Variants in ADAMTS19 observed in about 807,000 individuals in gnomAD.
ADAMTS19 encodes A disintegrin and metalloproteinase with thrombospondin motifs 19.
A neutral mutation model predicts 153.3 loss-of-function variants in ADAMTS19; 93 were observed. That is an observed-to-expected ratio of 0.61 (90% confidence interval 0.51 to 0.72). The LOEUF is 0.72. Ranked by LOEUF, ADAMTS19 falls within the 30% of genes least tolerant of loss-of-function variation. The probability of loss-of-function intolerance (pLI) is 0.00; values close to 1 mark genes in which losing one functional copy is unlikely to be tolerated. For synonymous variants in ADAMTS19, 600 were observed against 556.6 expected (o/e 1.08, Z -1.10); for missense variants, 1,482 against 1,552.1 (o/e 0.95, Z 0.76).
At chr5:129,612,671 C>T (rs1751290158) in intron 8 of ADAMTS19, among the ~76,000 whole-genome samples, 3 of 152,092 alleles carry the variant, frequency 2.0e-5, no homozygotes. Flanking sequence ...ATGACAGGAT[C>T]AAATTCACAC....
chr5:129,551,725 C>T, intron 6 of ADAMTS19, 139 bp from the exon 7 acceptor site: 1 of 554,200 alleles, frequency 1.8e-6, no homozygotes, highest in South Asian at 2.5e-5. Context: ...AAAAATTAAT[C>T]TTATTCACAG....
intron 16 of ADAMTS19, among the ~76,000 whole-genome samples, chr5:129,668,142 C>G (rs1022232738): frequency 6.6e-6 from 1 of 152,134 alleles, no homozygotes; most frequent in Non-Finnish European, 1.5e-5. Context: ...CGCTTGTGAC[C>G]TTGTCACTCC....
intron 7 of ADAMTS19, among the ~76,000 whole-genome samples, chr5:129,578,081 TATATACATATACATAC>T (rs55739919): frequency 0.5 from 51,367 of 103,164 alleles, 15,258 homozygotes; most frequent in Non-Finnish European, 0.64. Context: ...CACACACACA[TATATACATATACATAC>T]ATATACATAT....
intron 10 of ADAMTS19, among the ~76,000 whole-genome samples, chr5:129,624,096 C>T (rs62399039): frequency 0.067 from 8,592 of 128,290 alleles, 380 homozygotes; most frequent in Non-Finnish European, 0.09. Context: ...CACTGCACTC[C>T]GGCCTGGACT....
chr5:129,658,359 A>G (rs398051044), intron 14 of ADAMTS19, among the ~76,000 whole-genome samples: 1,909 of 132,198 alleles, frequency 0.014, 161 homozygotes, highest in African/African-American at 0.058. Context: ...GAAAGAAAGA[A>G]AGAAAGAAAG....
intron 21 of ADAMTS19, 103 bp downstream of exon 21, chr5:129,704,494 A>G: frequency 7.6e-7 from 1 of 1,319,010 alleles, no homozygotes; most frequent in Non-Finnish European, 1.0e-6. Flanking sequence ...GAAGGAGAGT[A>G]GAATTAAACA....
chr5:129,472,088 T>C (rs901890726), intron 2 of ADAMTS19, among the ~76,000 whole-genome samples: 3 of 152,226 alleles, frequency 2.0e-5, no homozygotes, highest in Non-Finnish European at 1.5e-5. Context: ...CTTGGTGGGT[T>C]GAATGGGGTA....
intron 2 of ADAMTS19, among the ~76,000 whole-genome samples, chr5:129,503,401 G>T (rs1288816983): frequency 6.6e-6 from 1 of 152,208 alleles, no homozygotes; most frequent in Non-Finnish European, 1.5e-5. Context: ...ATACTGAAAT[G>T]ATATTTTATT....
chr5:129,736,541 T>C (rs1757675455), intron 22 of ADAMTS19, among the ~76,000 whole-genome samples: 1 of 152,096 alleles, frequency 6.6e-6, no homozygotes, highest in Admixed American at 6.6e-5. Flanking sequence ...CTTGTGATGA[T>C]ATGCATTAAT....
intron 10 of ADAMTS19, among the ~76,000 whole-genome samples, chr5:129,641,377 G>A (rs1460068390): frequency 6.6e-6 from 1 of 152,126 alleles, no homozygotes; most frequent in Admixed American, 6.5e-5. Context: ...AGACTATATT[G>A]TGTCAGGGGT....
In ADAMTS19 at chr5:129,541,075, A is replaced by G. The variant is rs114849526; in HGVS notation, c.1329-10789A>G. Among the ~76,000 whole-genome samples the G allele has an allele frequency of 3.5e-3, 540 of 152,200 alleles. 2 individuals are homozygous for G. Among genetic ancestry groups the G allele is most frequent in the African/African-American group, 0.013 (520 of 41,568 alleles). On this transcript the variant is annotated intron_variant, in intron 6 of 22. Coordinates refer to ENST00000274487, the MANE Select transcript of ADAMTS19 (RefSeq NM_133638.6). ...TTGATTATTGGAGAACTGAAGATTAAGAATTATCATCTGATCTTTGGTTTA... is the reference window on the plus strand; with the variant it reads ...TTGATTATTGGAGAACTGAAGATTAGGAATTATCATCTGATCTTTGGTTTA...
At chr5:129,507,993 A>G (rs1043871603) in intron 2 of ADAMTS19, among the ~76,000 whole-genome samples, 1 of 152,004 alleles carries the variant, frequency 6.6e-6, no homozygotes, top group African/African-American at 2.4e-5. Flanking sequence ...AAATTCTGCT[A>G]TACTTCCAAA....
chr5:129,726,710 A>G lies in ADAMTS19; in HGVS notation c.3313-8222A>G, dbSNP rs577444270. ...GGAAATAACATTATATCTGGAATCAAAAGACTTGCATTTGAGGTTTGTCTG... is the reference window on the plus strand; with the variant it reads ...GGAAATAACATTATATCTGGAATCAGAAGACTTGCATTTGAGGTTTGTCTG... On this transcript the variant is annotated intron_variant, in intron 21 of 22. Transcript: ENST00000274487. Among the ~76,000 whole-genome samples, 57 of 152,226 alleles carry G rather than the reference A, an allele frequency of 3.7e-4. 1 individual carries two copies. The highest frequency in any genetic ancestry group is 2.9e-4 in the Non-Finnish European group (20 of 68,012).
At chr5:129,506,894 A>T (rs1039418758) in intron 2 of ADAMTS19, among the ~76,000 whole-genome samples, 1 of 151,654 alleles carries the variant, frequency 6.6e-6, no homozygotes, top group Non-Finnish European at 1.5e-5. Flanking sequence ...GTATTTTTAA[A>T]ATATATATAT....
intron 20 of ADAMTS19, among the ~76,000 whole-genome samples, chr5:129,702,376 C>G (rs934850879): frequency 6.6e-6 from 1 of 152,120 alleles, no homozygotes; most frequent in Non-Finnish European, 1.5e-5. Flanking sequence ...TACCAACACA[C>G]CTACACACAT....
chr5:129,620,596 A>C (rs1304392564), intron 8 of ADAMTS19, 22 bp from the exon 9 acceptor site: 1 of 1,515,240 alleles, frequency 6.6e-7, no homozygotes, highest in Admixed American at 2.0e-5. Context: ...AAATTTTAAA[A>C]TTTTATTATA....
chr5:129,533,462 C>T (rs902613068), intron 6 of ADAMTS19, among the ~76,000 whole-genome samples: 7 of 152,034 alleles, frequency 4.6e-5, no homozygotes, highest in East Asian at 1.9e-4. Flanking sequence ...TCTTTTATTG[C>T]GTCTATTTGA....
intron 7 of ADAMTS19, among the ~76,000 whole-genome samples, chr5:129,561,787 C>A (rs1372293186): frequency 6.6e-5 from 10 of 152,126 alleles, no homozygotes; most frequent in Admixed American, 6.5e-4. Flanking sequence ...CTGAGTCAGG[C>A]AGATCTTCTA....
At chr5:129,514,242 A>G (rs952289685) in intron 3 of ADAMTS19, among the ~76,000 whole-genome samples, 1 of 152,154 alleles carries the variant, frequency 6.6e-6, no homozygotes, top group African/African-American at 2.4e-5. Flanking sequence ...CGGTGCTGCA[A>G]CAAACATAGA....
Sources: allele counts gnomAD v4.1 joint callset (sites outside exome capture counted in the v4.1 genomes callset), GRCh38; gene constraint gnomAD v4.1.1; transcripts MANE v1.5; gene names NCBI Gene and HGNC (gene_info 2026-07-23, HGNC 2026-07-21).